Variants in CTNNA3 observed in about 807,000 individuals in gnomAD.
CTNNA3 encodes the protein catenin alpha 3.
Under a neutral mutation model 95.7 loss-of-function variants are expected in CTNNA3, and 76 were observed. That is an observed-to-expected ratio of 0.79 (90% CI 0.66 to 0.96). The LOEUF is 0.96. Among genes scored for constraint, CTNNA3 ranks in the 40% least tolerant of loss-of-function variants. The probability of loss-of-function intolerance (pLI) is 0.00; values close to 1 mark genes in which losing one functional copy is unlikely to be tolerated. For synonymous variants in CTNNA3, 431 were observed against 374.4 expected (o/e 1.15, Z -1.74); for missense variants, 1,191 against 1,089.8 (o/e 1.09, Z -1.31).
chr10:66,628,921 T>C (rs1845035466), intron 9 of CTNNA3, among the ~76,000 whole-genome samples: 1 of 152,056 alleles, frequency 6.6e-6, no homozygotes, highest in Admixed American at 6.6e-5. Context: ...AAGAAGTTAC[T>C]AGTTTATTGA....
chr10:66,611,080 T>C (rs1844313334), intron 10 of CTNNA3, among the ~76,000 whole-genome samples: 1 of 152,040 alleles, frequency 6.6e-6, no homozygotes, highest in Non-Finnish European at 1.5e-5. Flanking sequence ...CATGTTCTTA[T>C]TCACTAAAAC....
At chr10:66,899,473 T>C (rs1564751561) in intron 7 of CTNNA3, among the ~76,000 whole-genome samples, 1 of 152,086 alleles carries the variant, frequency 6.6e-6, no homozygotes, top group Non-Finnish European at 1.5e-5. Flanking sequence ...CCAACTGAGG[T>C]ACCTAGTTCA....
At chr10:66,747,193 T>C (rs1259740515) in intron 9 of CTNNA3, among the ~76,000 whole-genome samples, 3 of 152,208 alleles carry the variant, frequency 2.0e-5, no homozygotes, top group Admixed American at 6.5e-5. Flanking sequence ...AGAAAGTATA[T>C]ATTGTCTCGG....
chr10:66,906,251 G>A (rs937694307), intron 7 of CTNNA3, among the ~76,000 whole-genome samples: 5 of 152,126 alleles, frequency 3.3e-5, no homozygotes, highest in Non-Finnish European at 7.4e-5. Context: ...CTGATAGAAT[G>A]CAGTAGAAGG....
intron 2 of CTNNA3, among the ~76,000 whole-genome samples, chr10:67,611,480 A>AT (rs368292387): frequency 1.1e-4 from 16 of 151,348 alleles, no homozygotes; most frequent in African/African-American, 3.6e-4. Flanking sequence ...CGCCTGGCTA[A>AT]TTTTTTTTGT....
chr10:66,086,609 C>CA (rs1198842497), intron 14 of CTNNA3, among the ~76,000 whole-genome samples: 2 of 151,994 alleles, frequency 1.3e-5, no homozygotes, highest in African/African-American at 4.8e-5. Context: ...AAAATTACCA[C>CA]AAAAAACTTA....
intron 7 of CTNNA3, among the ~76,000 whole-genome samples, chr10:66,977,853 A>T (rs1258551536): frequency 6.6e-6 from 1 of 152,158 alleles, no homozygotes; most frequent in Non-Finnish European, 1.5e-5. Flanking sequence ...ATATGTCTGG[A>T]TCACTTGTGC....
At chr10:67,503,630 A>C (rs750728214) in intron 5 of CTNNA3, among the ~76,000 whole-genome samples, 6 of 152,220 alleles carry the variant, frequency 3.9e-5, no homozygotes, top group Admixed American at 1.3e-4. Flanking sequence ...TTGATCTTAG[A>C]GTGTGTTCAC....
chr10:66,883,912 T>C (rs906012411), intron 7 of CTNNA3, among the ~76,000 whole-genome samples: 2 of 152,066 alleles, frequency 1.3e-5, no homozygotes, highest in Non-Finnish European at 2.9e-5. Flanking sequence ...GGCTGAGTAA[T>C]TTATTTTTTT....
chr10:66,002,443 ATGTT>A (rs1434518093), intron 15 of CTNNA3, among the ~76,000 whole-genome samples: 2 of 152,112 alleles, frequency 1.3e-5, no homozygotes, highest in African/African-American at 4.8e-5. Context: ...AAGAGGGAAA[ATGTT>A]TGTCTGGCAT....
rs112239296 is a variant in CTNNA3, at chr10:66,447,722, C to A, written c.1532-68370G>T. Among the ~76,000 whole-genome samples, 1,109 of 152,178 alleles carry A rather than the reference C, an allele frequency of 7.3e-3. 16 individuals carry two copies. The highest frequency in any genetic ancestry group is 0.013 in the Admixed American group (199 of 15,284). ...ATGTTAGACCTAAAACCATAAAAAT[C>A]CTAGAAGAAAACCTAGGCAATACCA... On this transcript the variant is annotated intron_variant, in intron 11 of 17. Coordinates refer to ENST00000433211, the MANE Select transcript of CTNNA3 (RefSeq NM_013266.4).
intron 7 of CTNNA3, among the ~76,000 whole-genome samples, chr10:66,986,619 A>G (rs1209624632): frequency 6.6e-6 from 1 of 152,178 alleles, no homozygotes; most frequent in Non-Finnish European, 1.5e-5. Context: ...ACAAAATGAT[A>G]CCTCATTTTA....
chr10:66,815,273 TAAG>T (rs1161814167), intron 7 of CTNNA3, among the ~76,000 whole-genome samples: 2 of 152,146 alleles, frequency 1.3e-5, no homozygotes, highest in Non-Finnish European at 2.9e-5. Context: ...TGAATTTCAG[TAAG>T]AACAGCAAAT....
At chr10:67,686,715 A>G (rs1840738891) in intron 1 of CTNNA3, among the ~76,000 whole-genome samples, 1 of 152,038 alleles carries the variant, frequency 6.6e-6, no homozygotes, top group Non-Finnish European at 1.5e-5. Flanking sequence ...CTACTATATC[A>G]ATTTCCTTAC....
chr10:66,655,997 A>G (rs1368025366), intron 9 of CTNNA3, among the ~76,000 whole-genome samples: 1 of 152,090 alleles, frequency 6.6e-6, no homozygotes, highest in Non-Finnish European at 1.5e-5. Context: ...GTAAACGTTT[A>G]TTGAGTACTT....
intron 12 of CTNNA3, among the ~76,000 whole-genome samples, chr10:66,318,417 C>A (rs1377206961): frequency 6.6e-6 from 1 of 151,852 alleles, no homozygotes; most frequent in Non-Finnish European, 1.5e-5. Flanking sequence ...GTCTTTGAGA[C>A]AAGTGCACCT....
chr10:67,581,392 A>G (rs911234272), intron 3 of CTNNA3, among the ~76,000 whole-genome samples: 1 of 152,096 alleles, frequency 6.6e-6, no homozygotes, highest in Non-Finnish European at 1.5e-5. Context: ...ACCAGCCTTG[A>G]ATCCCAGGGA....
At chr10:66,581,237 T>C (rs1015027640) in intron 10 of CTNNA3, among the ~76,000 whole-genome samples, 1 of 151,838 alleles carries the variant, frequency 6.6e-6, no homozygotes, top group African/African-American at 2.4e-5. Context: ...GATATATTCA[T>C]TCCTTTTCTT....
intron 17 of CTNNA3, among the ~76,000 whole-genome samples, chr10:65,963,347 A>T (rs868777539): frequency 1.3e-5 from 2 of 152,180 alleles, no homozygotes; most frequent in Middle Eastern, 6.8e-3. Flanking sequence ...ATAACATTCC[A>T]TGTCTTCCCT....
Sources: allele counts gnomAD v4.1 joint callset (sites outside exome capture counted in the v4.1 genomes callset), GRCh38; gene constraint gnomAD v4.1.1; transcripts MANE v1.5; gene names NCBI Gene and HGNC (gene_info 2026-07-23, HGNC 2026-07-21).